MAP3K7CL: variants seen among roughly 807,000 people sequenced by gnomAD.
The protein encoded by MAP3K7CL is MAP3K7 C-terminal-like protein.
In MAP3K7CL, 16 loss-of-function variants were observed where a neutral mutation model predicts 18.6. That is an observed-to-expected ratio of 0.86 (90% CI 0.58 to 1.31). The LOEUF is 1.31. Among genes scored for constraint, MAP3K7CL ranks in the 50% most tolerant of loss-of-function variants. MAP3K7CL has a pLI of 0.00. For missense variants in MAP3K7CL, 163 were observed against 174.4 expected, an observed-to-expected ratio of 0.93 and a Z score of 0.37; for synonymous variants, 65 against 66.8, an observed-to-expected ratio of 0.97 and a Z score of 0.13.
intron 1 of MAP3K7CL, among the ~76,000 whole-genome samples, chr21:29,090,546 A>G (rs1355887513): frequency 1.3e-5 from 2 of 152,080 alleles, no homozygotes; most frequent in East Asian, 3.9e-4. Flanking sequence ...TGCCCGGCTA[A>G]TTTTTTGTAT....
At chr21:29,168,478 G>A (rs1053386660) in intron 4 of MAP3K7CL, among the ~76,000 whole-genome samples, 2 of 152,132 alleles carry the variant, frequency 1.3e-5, no homozygotes, top group African/African-American at 2.4e-5. Flanking sequence ...GTAGCCAAAG[G>A]TATTCTTTCA....
In MAP3K7CL at chr21:29,157,004, T is replaced by G. The variant is rs1039813991; in HGVS notation, c.133-2937T>G. On this transcript the variant is annotated intron_variant, in intron 3 of 4. Transcript: ENST00000399928. ...AGAAATTTGGGAAAGAGCAAAAGAT[T>G]GAGTACAAATGGAGTCAGCCTCTCC... is the stretch of plus-strand genomic sequence containing the variant. Among the ~76,000 whole-genome samples the G allele has an allele frequency of 2.0e-5, 3 of 152,172 alleles. No homozygotes were observed. The East Asian group carries it at 5.8e-4, about 29-fold the overall frequency.
At chr21:29,152,091 T>C (rs935690698) in intron 3 of MAP3K7CL, among the ~76,000 whole-genome samples, 1 of 152,168 alleles carries the variant, frequency 6.6e-6, no homozygotes, top group South Asian at 2.1e-4. Flanking sequence ...TGCTTGTTTG[T>C]TGAATGAAGG....
chr21:29,158,880 A>T (rs537780738), intron 3 of MAP3K7CL, among the ~76,000 whole-genome samples: 7 of 151,164 alleles, frequency 4.6e-5, no homozygotes, highest in Admixed American at 2.6e-4. Flanking sequence ...AGGGTGATTT[A>T]AAAAAAAACT....
chr21:29,136,931 G>A (rs530647235), intron 2 of MAP3K7CL, among the ~76,000 whole-genome samples: 2 of 151,204 alleles, frequency 1.3e-5, no homozygotes, highest in African/African-American at 4.9e-5. Context: ...TGGCTTTACA[G>A]CCAGAGAGGC....
chr21:29,094,885 C>T (rs891115814), intron 4 of MAP3K7CL, among the ~76,000 whole-genome samples: 1 of 152,084 alleles, frequency 6.6e-6, no homozygotes, highest in South Asian at 2.1e-4. Flanking sequence ...GGCAAAACCC[C>T]ATCTCTACCA....
At chr21:29,167,155 G>A (rs1425805283) in intron 4 of MAP3K7CL, among the ~76,000 whole-genome samples, 2 of 152,190 alleles carry the variant, frequency 1.3e-5, no homozygotes, top group African/African-American at 4.8e-5. Context: ...GGCTAATGAT[G>A]TTACACAGGT....
intron 4 of MAP3K7CL, among the ~76,000 whole-genome samples, chr21:29,161,156 A>G (rs1182522336): frequency 6.6e-6 from 1 of 152,168 alleles, no homozygotes; most frequent in Non-Finnish European, 1.5e-5. Context: ...CTAAAAATAC[A>G]AAAATTAGCC....
chr21:29,173,803 G>A (rs1309919281), intron 4 of MAP3K7CL, among the ~76,000 whole-genome samples: 1 of 152,168 alleles, frequency 6.6e-6, no homozygotes, highest in Non-Finnish European at 1.5e-5. Context: ...CCACGCTCAA[G>A]TGATCCTCCT....
intron 3 of MAP3K7CL, among the ~76,000 whole-genome samples, chr21:29,151,017 G>C (rs911574159): frequency 2.6e-5 from 4 of 151,316 alleles, no homozygotes; most frequent in African/African-American, 9.7e-5. Context: ...TGATCCGCCC[G>C]CCTCAGCCTC....
intron 4 of MAP3K7CL, among the ~76,000 whole-genome samples, chr21:29,104,605 T>C (rs2086288781): frequency 6.6e-6 from 1 of 152,188 alleles, no homozygotes; most frequent in Non-Finnish European, 1.5e-5. Context: ...AGAAAAGTCC[T>C]CCATAGAAAC....
chr21:29,134,735 C>T (rs2086846783), intron 2 of MAP3K7CL, among the ~76,000 whole-genome samples: 1 of 152,124 alleles, frequency 6.6e-6, no homozygotes, highest in Non-Finnish European at 1.5e-5. Context: ...AAGCATTTGC[C>T]TGTATTATCT....
rs1381842485 is a variant in MAP3K7CL at position 29,175,531 on chromosome 21, G to A, written c.*639G>A. 1.3e-5 allele frequency: 2 copies of A among 152,332 alleles called. No homozygotes were observed. Among genetic ancestry groups the A allele is most frequent in the Non-Finnish European group, 2.9e-5 (2 of 68,034 alleles). The allele number at this position is 152,332 out of a possible 1,614,324, so 9.4% of individuals were successfully genotyped here. The stretch of plus-strand genomic sequence containing the variant: ...GCACATTTGCCAATGCTAACTGGCT[G>A]TTGTAATAATAAACAGATAAGGCTG... On this transcript the variant is annotated 3_prime_UTR_variant, in exon 5 of 5. Coordinates refer to ENST00000399928, the MANE Select transcript of MAP3K7CL (RefSeq NM_001286620.2).
chr21:29,132,292 T>A (rs560405494), intron 1 of MAP3K7CL, among the ~76,000 whole-genome samples: 4,483 of 70,106 alleles, frequency 0.064, 101 homozygotes, highest in Middle Eastern at 0.19. Flanking sequence ...CTGCAGGATG[T>A]TTTTTTTCCA....
chr21:29,167,054 T>C (rs2087706046), intron 4 of MAP3K7CL, among the ~76,000 whole-genome samples: 2 of 152,252 alleles, frequency 1.3e-5, no homozygotes. Flanking sequence ...TCCACATCTT[T>C]GCCAACACTT....
intron 3 of MAP3K7CL, 68 bp from the exon 4 acceptor site, chr21:29,159,873 G>T: frequency 1.6e-6 from 2 of 1,255,320 alleles, no homozygotes; most frequent in South Asian, 2.6e-5. Flanking sequence ...GAACATCAGC[G>T]AGCAAAATGG....
chr21:29,116,776 A>C (rs1432211565), intron 4 of MAP3K7CL, among the ~76,000 whole-genome samples: 2 of 152,194 alleles, frequency 1.3e-5, no homozygotes, highest in Non-Finnish European at 2.9e-5. Flanking sequence ...AGTTCTTTAA[A>C]AATTTGAATA....
chr21:29,099,261 A>ATTTTTTTTT (rs968362985), intron 4 of MAP3K7CL, among the ~76,000 whole-genome samples: 16 of 83,028 alleles, frequency 1.9e-4, no homozygotes, highest in Non-Finnish European at 2.6e-4. Context: ...CAGCTAATTG[A>ATTTTTTTTT]TTTTTTTTTT....
chr21:29,138,877 C>T (rs1255381841), intron 2 of MAP3K7CL, among the ~76,000 whole-genome samples: 9 of 152,050 alleles, frequency 5.9e-5, no homozygotes, highest in Admixed American at 5.2e-4. Flanking sequence ...TCCTGGGGCA[C>T]TTGCTTGAGT....
Sources: gnomAD v4.1 joint callset for allele counts (sites outside exome capture counted in the v4.1 genomes callset) on GRCh38, gnomAD v4.1.1 for gene constraint, MANE v1.5 for transcripts, NCBI Gene and HGNC (gene_info 2026-07-23, HGNC 2026-07-21) for gene names.